Variants in FAM193A observed in about 807,000 individuals in gnomAD.
FAM193A encodes family with sequence similarity 193 member A, also known as protein FAM193A.
A neutral mutation model predicts 126.5 loss-of-function variants in FAM193A; 22 were observed. The observed-to-expected ratio is 0.17, with a 90% confidence interval of 0.12 to 0.25. The LOEUF (loss-of-function observed/expected upper bound fraction) is 0.25. Among genes scored for constraint, FAM193A ranks in the 10% least tolerant of loss-of-function variants. FAM193A has a pLI of 1.00. For missense variants in FAM193A, 1,675 were observed against 1,672.8 expected (o/e 1.00, Z -0.02); for synonymous variants, 761 against 646.8 (o/e 1.18, Z -2.68).
In FAM193A at chr4:2,571,686, C is replaced by T. The variant is rs368496472; in HGVS notation, c.256-24398C>T. 7.2e-5 allele frequency among the ~76,000 whole-genome samples: 11 copies of T among 151,756 alleles called. 1 individual carries two copies. The highest frequency in any genetic ancestry group is 4.0e-4 in the East Asian group (2 of 5,050). On this transcript the variant is annotated intron_variant, in intron 1 of 20. Transcript: ENST00000637812. ...TTCCCAAGTAGCGGGATTACAGGAGCGTGCCACCAAGCCCAGCTAATTTTT... is the reference window on the plus strand; with the variant it reads ...TTCCCAAGTAGCGGGATTACAGGAGTGTGCCACCAAGCCCAGCTAATTTTT...
chr4:2,659,633 A>C lies in FAM193A; in HGVS notation c.1465A>C (p.Ser489Arg). 1.2e-6 allele frequency: 2 copies of C among 1,614,134 alleles called. No homozygotes were observed. Among genetic ancestry groups the C allele is most frequent in the Non-Finnish European group, 1.7e-6 (2 of 1,180,010 alleles). ...TMRHMLSSRL[S>R]MPDCPNCNYR... Reference sequence around the variant, plus strand: ...GAGGCACATGTTATCGTCCCGGCTGAGCATGCCCGACTGCCCCAACTGCAA... The same window carrying C: ...GAGGCACATGTTATCGTCCCGGCTGCGCATGCCCGACTGCCCCAACTGCAA... Residue 489 changes from serine to arginine, a missense_variant, in exon 9 of 21, where the codon AGC becomes CGC. Around this residue, in one of 4 missense-constraint regions of FAM193A, gnomAD observed 1,186 missense variants for 1,109.2 expected, o/e 1.07. Coordinates refer to ENST00000637812, the MANE Select transcript of FAM193A (RefSeq NM_001366318.2).
chr4:2,573,113 C>G (rs1739387140), intron 1 of FAM193A, among the ~76,000 whole-genome samples: 1 of 152,052 alleles, frequency 6.6e-6, no homozygotes, highest in Non-Finnish European at 1.5e-5. Context: ...CTTTCTTCTT[C>G]TTCCTTTTTT....
At chr4:2,690,090 G>C (rs954179424) in intron 14 of FAM193A, among the ~76,000 whole-genome samples, 2 of 152,162 alleles carry the variant, frequency 1.3e-5, no homozygotes, top group Non-Finnish European at 2.9e-5. Flanking sequence ...TGCCACAGTT[G>C]ACTTAAATCT....
intron 6 of FAM193A, among the ~76,000 whole-genome samples, chr4:2,641,234 A>G (rs1340540683): frequency 6.6e-6 from 1 of 150,872 alleles, no homozygotes; most frequent in Non-Finnish European, 1.5e-5. Flanking sequence ...TTTAGTAGAG[A>G]CGGGGTTTCA....
At position 2,537,087 on chromosome 4, in the gene FAM193A, C is replaced by G. The variant is rs1347824841; in HGVS notation, c.172C>G (p.Leu58Val). ...GGCGGCCCCGGGCAGCGCGGCAGGC[C>G]TGGTGGGCGGCGCGGCGGCGGCCAA... ...GLAAPGSAAG[L>V]VGGAAAANGP... Residue 58 changes from leucine (L) to valine (V), a missense_variant, in exon 1 of 21, where the codon CTG becomes GTG. This residue lies in a region of FAM193A where 1,186 missense variants were observed against 1,109.2 expected (regional missense o/e 1.07). Transcript: ENST00000637812. 6.8e-5 allele frequency: 10 copies of G among 147,306 alleles called. No individual in the cohort carries two copies. The highest frequency in any genetic ancestry group is 1.5e-4 in the Non-Finnish European group (10 of 66,526). 9.1% of individuals were successfully genotyped at this position (147,306 alleles called of 1,614,324 possible).
rs1326086309 is a variant in FAM193A, at chr4:2,560,234, C to T, written c.255+23064C>T. Reference sequence around the variant, plus strand: ...TTGGGATTACAGGTGTGAGCCACCGCGCCTGGCCTGTGCAGGCTTTTCTTT... The same window carrying T: ...TTGGGATTACAGGTGTGAGCCACCGTGCCTGGCCTGTGCAGGCTTTTCTTT... On this transcript the variant is annotated intron_variant, in intron 1 of 20. Transcript: ENST00000637812. 5.9e-5 allele frequency among the ~76,000 whole-genome samples: 9 copies of T among 152,144 alleles called. No individual in the cohort carries two copies. In the South Asian group the frequency reaches 1.4e-3, roughly 24 times the overall value.
intron 4 of FAM193A, among the ~76,000 whole-genome samples, chr4:2,627,316 G>A (rs982962955): frequency 1.3e-5 from 2 of 151,598 alleles, no homozygotes; most frequent in African/African-American, 4.8e-5. Flanking sequence ...GCCCACCACT[G>A]TGCCCGGCTA....
intron 19 of FAM193A, among the ~76,000 whole-genome samples, chr4:2,703,372 A>C (rs1429114538): frequency 6.6e-6 from 1 of 152,008 alleles, no homozygotes; most frequent in Non-Finnish European, 1.5e-5. Context: ...TCAGCCTCCC[A>C]AGTAGCTGAA....
At chr4:2,714,398 T>C (rs981703699) in intron 19 of FAM193A, among the ~76,000 whole-genome samples, 15 of 152,146 alleles carry the variant, frequency 9.9e-5, no homozygotes, top group Non-Finnish European at 1.8e-4. Flanking sequence ...GATTGAGCTA[T>C]TGGCTGCGTT....
At chr4:2,692,110 C>A (rs914085809) in intron 15 of FAM193A, among the ~76,000 whole-genome samples, 2 of 152,186 alleles carry the variant, frequency 1.3e-5, no homozygotes, top group African/African-American at 4.8e-5. Flanking sequence ...TCAATTCTCA[C>A]ACTGCTATGA....
chr4:2,722,230 T>C (rs929177426), intron 20 of FAM193A, among the ~76,000 whole-genome samples: 5 of 152,126 alleles, frequency 3.3e-5, no homozygotes, highest in Non-Finnish European at 7.4e-5. Flanking sequence ...ACCGTGTGCA[T>C]GTCTCACGTA....
At chr4:2,552,427 A>G (rs1381220754) in intron 1 of FAM193A, among the ~76,000 whole-genome samples, 2 of 152,146 alleles carry the variant, frequency 1.3e-5, no homozygotes, top group Non-Finnish European at 2.9e-5. Context: ...CTGGGATTAT[A>G]GGCGTGAGCC....
At chr4:2,679,923 A>C (rs1250231978) in intron 13 of FAM193A, among the ~76,000 whole-genome samples, 1 of 151,236 alleles carries the variant, frequency 6.6e-6, no homozygotes, top group Non-Finnish European at 1.5e-5. Context: ...GCAGTGGCAC[A>C]ATCTCCACTC....
Position 2,672,366 on chromosome 4 carries a change from C to G in FAM193A, c.2325C>G (p.His775Gln). The G allele has an allele frequency of 1.2e-6, 2 of 1,614,110 alleles. No homozygotes were observed. The highest frequency in any genetic ancestry group is 2.7e-5 in the African/African-American group (2 of 75,074). ...PTLYATPPFT[H>Q]SKALPPAPVQ... The stretch of plus-strand genomic sequence containing the variant: ...TGTATGCAACGCCCCCCTTCACACA[C>G]AGTAAGGTAAGTCAGGGCAAAAAGG... The change falls in exon 13 of 21, where the codon CAC becomes CAG. Residue 775 changes from histidine to glutamine, a missense_variant. This residue lies in a region of FAM193A where 1,186 missense variants were observed against 1,109.2 expected (regional missense o/e 1.07). Coordinates refer to ENST00000637812, the MANE Select transcript of FAM193A (RefSeq NM_001366318.2).
chr4:2,602,353 CTTTT>C (rs35168097), intron 2 of FAM193A, among the ~76,000 whole-genome samples: 3 of 128,556 alleles, frequency 2.3e-5, no homozygotes, highest in Non-Finnish European at 3.3e-5. Flanking sequence ...ATGTTCTGTT[CTTTT>C]TTTTTTTTTT....
At chr4:2,658,219 G>A (rs919015823) in intron 8 of FAM193A, among the ~76,000 whole-genome samples, 1 of 152,164 alleles carries the variant, frequency 6.6e-6, no homozygotes, top group African/African-American at 2.4e-5. Context: ...TACATATGAA[G>A]GAGGGTGTTA....
chr4:2,685,078 G>A (rs1311584064), intron 13 of FAM193A, among the ~76,000 whole-genome samples: 1 of 152,200 alleles, frequency 6.6e-6, no homozygotes. Context: ...GAAACAGTTG[G>A]TGTACTAAGA....
intron 13 of FAM193A, among the ~76,000 whole-genome samples, 170 bp from the exon 14 acceptor site, chr4:2,689,336 T>C (rs1716099000): frequency 6.6e-6 from 1 of 152,202 alleles, no homozygotes; most frequent in Admixed American, 6.5e-5. Context: ...GTGTACAGTC[T>C]CATAAATCAA....
chr4:2,712,296 T>C (rs12502642), intron 19 of FAM193A, among the ~76,000 whole-genome samples: 58,429 of 152,068 alleles, frequency 0.38, 11,883 homozygotes, highest in Admixed American at 0.55. Context: ...TATATCCTTA[T>C]TTTGTGTCCT....
Sources: gnomAD v4.1 joint callset for allele counts (sites outside exome capture counted in the v4.1 genomes callset) on GRCh38, gnomAD v4.1.1 for gene constraint, gnomAD v4.1.1 regional missense constraint, MANE v1.5 for transcripts, NCBI Gene and HGNC (gene_info 2026-07-23, HGNC 2026-07-21) for gene names.